The following GXYLT2 variants were observed in gnomAD, a reference collection of about 807,000 sequenced individuals.
The protein encoded by GXYLT2 is glucoside xylosyltransferase 2, also known as glycosyltransferase 8 domain containing 4.
Under a neutral mutation model 45.8 loss-of-function variants are expected in GXYLT2, and 53 were observed. The observed-to-expected ratio is 1.16, with a 90% CI of 0.93 to 1.46. The LOEUF (loss-of-function observed/expected upper bound fraction) is 1.46, where lower values mean the gene tolerates loss of function less well. Ranked by LOEUF, GXYLT2 falls within the 40% of genes most tolerant of loss-of-function variation. GXYLT2 has a pLI of 0.00. For synonymous variants in GXYLT2, 219 were observed against 214.2 expected, an observed-to-expected ratio of 1.02 and a Z score of -0.19; for missense variants, 551 against 544.4, an observed-to-expected ratio of 1.01 and a Z score of -0.12.
chr3:72,895,199 A>G (rs1171367648), intron 1 of GXYLT2, among the ~76,000 whole-genome samples: 1 of 152,042 alleles, frequency 6.6e-6, no homozygotes, highest in Non-Finnish European at 1.5e-5. Flanking sequence ...GATGATATGG[A>G]GAGATGAGAA....
rs184370139 is a variant in GXYLT2, at chr3:72,904,021, G to A, written c.276-4346G>A. On this transcript the variant is annotated intron_variant, in intron 1 of 6. Transcript: ENST00000389617. ...TTTCCACTGTGATAAGCTGACTCCTGTTCAGGCTGTACCAGCATGGTTACC... is the reference window on the plus strand; with the variant it reads ...TTTCCACTGTGATAAGCTGACTCCTATTCAGGCTGTACCAGCATGGTTACC... Among the ~76,000 whole-genome samples, 406 of 152,320 alleles carry A rather than the reference G, an allele frequency of 2.7e-3. 1 individual carries two copies. Among genetic ancestry groups the A allele is most frequent in the Non-Finnish European group, 4.3e-3 (294 of 68,030 alleles).
intron 5 of GXYLT2, among the ~76,000 whole-genome samples, chr3:72,958,272 CAAAA>C (rs59128233): frequency 1.6e-4 from 21 of 127,404 alleles, no homozygotes; most frequent in East Asian, 4.7e-4. Context: ...GACTCTGTCT[CAAAA>C]AAAAAAAAAA....
chr3:72,917,782 G>A (rs1709767245), intron 2 of GXYLT2, among the ~76,000 whole-genome samples: 1 of 150,870 alleles, frequency 6.6e-6, no homozygotes, highest in Admixed American at 6.6e-5. Context: ...AAGTTTATAT[G>A]GTTATATAAA....
At chr3:72,920,532 G>A (rs923075763) in intron 2 of GXYLT2, among the ~76,000 whole-genome samples, 4 of 152,060 alleles carry the variant, frequency 2.6e-5, no homozygotes, top group African/African-American at 9.7e-5. Flanking sequence ...GCCTCCCAAA[G>A]TGTTAGGATT....
rs1266187385 is a variant in GXYLT2, at chr3:72,968,565, G to A, written c.1149+846G>A. On this transcript the variant is annotated intron_variant, in intron 6 of 6. Transcript: ENST00000389617. Reference sequence around the variant, plus strand: ...GTCTTCCATTTTTCCCCACCAAAGGGTACAAGATAAGAGTCAAGTGCATAC... The same window carrying A: ...GTCTTCCATTTTTCCCCACCAAAGGATACAAGATAAGAGTCAAGTGCATAC... Among the ~76,000 whole-genome samples the A allele has an allele frequency of 2.0e-5, 3 of 152,292 alleles. No individual in the cohort carries two copies. In the East Asian group the frequency reaches 5.8e-4, roughly 29 times the overall value.
intron 1 of GXYLT2, among the ~76,000 whole-genome samples, chr3:72,901,808 G>A (rs961889970): frequency 4.0e-5 from 6 of 151,742 alleles, no homozygotes; most frequent in Non-Finnish European, 7.4e-5. Flanking sequence ...TGATCCGCCC[G>A]CCTCAGCCTC....
chr3:72,958,949 T>C (rs1480037966), intron 5 of GXYLT2, among the ~76,000 whole-genome samples: 2 of 149,756 alleles, frequency 1.3e-5, no homozygotes, highest in Non-Finnish European at 3.0e-5. Flanking sequence ...TTTCTTTTTT[T>C]TTTTTCTTAA....
chr3:72,921,485 T>C (rs1364706677), intron 2 of GXYLT2, among the ~76,000 whole-genome samples: 2 of 152,146 alleles, frequency 1.3e-5, no homozygotes, highest in Non-Finnish European at 2.9e-5. Context: ...CAGGCTGGAG[T>C]ACTGTGGCAC....
intron 3 of GXYLT2, among the ~76,000 whole-genome samples, chr3:72,925,094 A>G (rs1464590629): frequency 6.6e-6 from 1 of 151,822 alleles, no homozygotes; most frequent in Non-Finnish European, 1.5e-5. Flanking sequence ...CCCTGGATGA[A>G]TTGTTGGCAG....
chr3:72,904,937 T>G lies in GXYLT2; in HGVS notation c.276-3430T>G, dbSNP rs1709480430. 1.3e-5 allele frequency among the ~76,000 whole-genome samples: 2 copies of G among 149,412 alleles called. 1 individual carries two copies. Among genetic ancestry groups the G allele is most frequent in the Non-Finnish European group, 3.0e-5 (2 of 67,498 alleles). On this transcript the variant is annotated intron_variant, in intron 1 of 6. Coordinates refer to ENST00000389617, the MANE Select transcript of GXYLT2 (RefSeq NM_001080393.2). ...ATGGCCTTCGGTTTGTAGTCCCAGCTACTTGGGAGGCTGAGGCATGAGAAT... is the reference window on the plus strand; with the variant it reads ...ATGGCCTTCGGTTTGTAGTCCCAGCGACTTGGGAGGCTGAGGCATGAGAAT...
intron 5 of GXYLT2, among the ~76,000 whole-genome samples, chr3:72,958,629 C>CTTTTTTTTTTTTTTTTTTTTTTT (rs760548760): frequency 9.2e-6 from 1 of 108,734 alleles, no homozygotes; most frequent in African/African-American, 3.6e-5. Flanking sequence ...TCACTTGTGG[C>CTTTTTTTTTTTTTTTTTTTTTTT]TTTTTTTTTT....
At chr3:72,967,270 C>G (rs1282824697) in intron 5 of GXYLT2, among the ~76,000 whole-genome samples, 2 of 152,088 alleles carry the variant, frequency 1.3e-5, no homozygotes, top group Non-Finnish European at 2.9e-5. Flanking sequence ...AGATTTGGAC[C>G]CAGGCTGCCT....
At chr3:72,961,772 G>A (rs1710775601) in intron 5 of GXYLT2, among the ~76,000 whole-genome samples, 1 of 152,074 alleles carries the variant, frequency 6.6e-6, no homozygotes, top group African/African-American at 2.4e-5. Context: ...AAGTCATGAG[G>A]CATTTTCCTC....
At chr3:72,914,067 A>G (rs1399325698) in intron 2 of GXYLT2, among the ~76,000 whole-genome samples, 1 of 152,134 alleles carries the variant, frequency 6.6e-6, no homozygotes, top group African/African-American at 2.4e-5. Context: ...CATTGTGGGC[A>G]ACCCAGGGTT....
intron 3 of GXYLT2, among the ~76,000 whole-genome samples, chr3:72,938,553 C>T (rs1385228728): frequency 6.6e-6 from 1 of 152,180 alleles, no homozygotes; most frequent in Non-Finnish European, 1.5e-5. Flanking sequence ...CTAGACTCTG[C>T]TTTAAATGAC....
chr3:72,913,540 C>A (rs1412946043), intron 2 of GXYLT2, among the ~76,000 whole-genome samples: 1 of 151,632 alleles, frequency 6.6e-6, no homozygotes, highest in Non-Finnish European at 1.5e-5. Context: ...ACTAAAAATA[C>A]AAAAATTAGC....
rs370320248 is a variant in GXYLT2, at chr3:72,967,602, C to T, written c.1032C>T (p.Tyr344=). Reference sequence around the variant, plus strand: ...ACTACCGTCCCGATCACTGCATGTACGGAAGCAACTGCAGAGAGGCTGAGC... The same window carrying T: ...ACTACCGTCCCGATCACTGCATGTATGGAAGCAACTGCAGAGAGGCTGAGC... ...QWNYRPDHCM[Y]GSNCREAEHE... is the part of the protein sequence containing the mutation. The change falls in exon 6 of 7, where the codon TAC becomes TAT. Residue 344 remains tyrosine (Y), a synonymous_variant. Transcript: ENST00000389617. The T allele has an allele frequency of 1.4e-5, 22 of 1,613,818 alleles. No individual in the cohort carries two copies. The highest frequency in any genetic ancestry group is 6.7e-5 in the East Asian group (3 of 44,878).
chr3:72,910,515 G>C (rs950684698), intron 2 of GXYLT2, among the ~76,000 whole-genome samples: 1 of 152,144 alleles, frequency 6.6e-6, no homozygotes, highest in South Asian at 2.1e-4. Flanking sequence ...CTGTAATATG[G>C]ATAGGTCAGG....
At chr3:72,895,962 G>T (rs1415288209) in intron 1 of GXYLT2, among the ~76,000 whole-genome samples, 2 of 152,092 alleles carry the variant, frequency 1.3e-5, no homozygotes, top group East Asian at 3.8e-4. Flanking sequence ...CCAAAATATG[G>T]CTCTCTTTTA....
Sources: gnomAD v4.1 joint callset for allele counts (sites outside exome capture counted in the v4.1 genomes callset) on GRCh38, gnomAD v4.1.1 for gene constraint, MANE v1.5 for transcripts, NCBI Gene and HGNC (gene_info 2026-07-23, HGNC 2026-07-21) for gene names.